The following ZNF804A variants were observed in gnomAD, a reference collection of about 807,000 sequenced individuals.
The protein encoded by ZNF804A is zinc finger protein 804A.
A neutral mutation model predicts 16.5 loss-of-function variants in ZNF804A; 2 were observed. The ratio of observed to expected loss-of-function variants is 0.12; its 90% CI spans 0.05 to 0.38. The LOEUF is 0.38. ZNF804A is among the 10% of genes least tolerant of loss of function. ZNF804A has a pLI of 0.99. For missense variants in ZNF804A, 1,473 were observed against 1,390.7 expected, an observed-to-expected ratio of 1.06 and a Z score of -0.94; for synonymous variants, 534 against 489.6, an observed-to-expected ratio of 1.09 and a Z score of -1.20.
At chr2:184,678,230 C>A (rs983241490) in intron 1 of ZNF804A, among the ~76,000 whole-genome samples, 1 of 151,796 alleles carries the variant, frequency 6.6e-6, no homozygotes, top group Non-Finnish European at 1.5e-5. Context: ...AAGAAGAAAA[C>A]TTTTATGTGG....
intron 1 of ZNF804A, among the ~76,000 whole-genome samples, chr2:184,788,642 A>T (rs1694486549): frequency 6.6e-6 from 1 of 151,992 alleles, no homozygotes; most frequent in South Asian, 2.1e-4. Context: ...CATGAATGTT[A>T]TTGGTGTATA....
intron 2 of ZNF804A, among the ~76,000 whole-genome samples, chr2:184,914,639 A>G (rs529751040): frequency 6.6e-6 from 1 of 152,290 alleles, no homozygotes; most frequent in Admixed American, 6.5e-5. Flanking sequence ...AGAAGGAGAA[A>G]ACACTTGCTA....
At chr2:184,803,036 A>G (rs1242427342) in intron 1 of ZNF804A, among the ~76,000 whole-genome samples, 2 of 152,216 alleles carry the variant, frequency 1.3e-5, no homozygotes, top group African/African-American at 4.8e-5. Context: ...AAAGTAAACC[A>G]TATGAGTTAT....
intron 1 of ZNF804A, among the ~76,000 whole-genome samples, chr2:184,637,982 A>G (rs957599634): frequency 7.9e-5 from 12 of 152,142 alleles, no homozygotes; most frequent in Non-Finnish European, 8.8e-5. Context: ...ATGGTCAGGT[A>G]TATTCTCAGT....
intron 1 of ZNF804A, among the ~76,000 whole-genome samples, chr2:184,815,655 A>G (rs1257653763): frequency 1.3e-5 from 2 of 151,978 alleles, no homozygotes; most frequent in African/African-American, 4.8e-5. Context: ...TATGTCTTTT[A>G]AATTTACTAA....
intron 1 of ZNF804A, among the ~76,000 whole-genome samples, chr2:184,640,560 C>T (rs1691778313): frequency 6.6e-6 from 1 of 151,900 alleles, no homozygotes; most frequent in South Asian, 2.1e-4. Flanking sequence ...AAACTACAGA[C>T]CAATATTCCT....
rs1456857071 is a variant in ZNF804A at position 184,852,247 on chromosome 2, C to CTT, written c.112-14121_112-14120insTT. On this transcript the variant is annotated intron_variant, in intron 1 of 3. Coordinates refer to ENST00000302277, the MANE Select transcript of ZNF804A (RefSeq NM_194250.2). ...GGTCTCTTTCTCTCTCTCTCTCTCT[C>CTT]TCTCTCTCTCTCTCTATCTCTCAGA... 2.3e-3 allele frequency among the ~76,000 whole-genome samples: 349 copies of CTT among 151,310 alleles called. 2 individuals are homozygous for CTT. Among genetic ancestry groups the CTT allele is most frequent in the African/African-American group, 7.9e-3 (326 of 41,294 alleles).
chr2:184,615,528 T>A (rs1318842353), intron 1 of ZNF804A, among the ~76,000 whole-genome samples: 1 of 152,156 alleles, frequency 6.6e-6, no homozygotes, highest in South Asian at 2.1e-4. Flanking sequence ...ATAAAAAAAA[T>A]AAAAATTACC....
chr2:184,789,175 C>T (rs1694493933), intron 1 of ZNF804A, among the ~76,000 whole-genome samples: 1 of 151,976 alleles, frequency 6.6e-6, no homozygotes, highest in Non-Finnish European at 1.5e-5. Flanking sequence ...TCTTTGCATT[C>T]CTGGAATAAG....
chr2:184,783,388 C>G (rs1427524474), intron 1 of ZNF804A, among the ~76,000 whole-genome samples: 1 of 151,466 alleles, frequency 6.6e-6, no homozygotes, highest in African/African-American at 2.4e-5. Context: ...ACCATGAAAA[C>G]TAATATATTT....
intron 1 of ZNF804A, among the ~76,000 whole-genome samples, chr2:184,855,846 T>C (rs1695678556): frequency 6.6e-6 from 1 of 152,052 alleles, no homozygotes; most frequent in South Asian, 2.1e-4. Flanking sequence ...ACCCAGGTGT[T>C]CACTTTGAAG....
intron 1 of ZNF804A, among the ~76,000 whole-genome samples, chr2:184,721,495 CT>C (rs1693314615): frequency 6.6e-6 from 1 of 152,046 alleles, no homozygotes; most frequent in Non-Finnish European, 1.5e-5. Flanking sequence ...CTTAACATCA[CT>C]AGTCATCATG....
At position 184,933,587 on chromosome 2, in the gene ZNF804A, A is replaced by G; in HGVS notation, c.256-16A>G. On this transcript the variant is annotated splice_polypyrimidine_tract_variant and intron_variant, in intron 2 of 3. Transcript: ENST00000302277. ...ACCAAAATACAATTAATCATTTTCC[A>G]ACTTTTTTTTAACAGAGGCTCAAGG... 2 of 1,572,818 alleles carry G rather than the reference A, an allele frequency of 1.3e-6. No homozygotes were observed. Among genetic ancestry groups the G allele is most frequent in the Non-Finnish European group, 1.7e-6 (2 of 1,168,186 alleles).
intron 2 of ZNF804A, among the ~76,000 whole-genome samples, chr2:184,931,291 C>T (rs566349584): frequency 1.6e-4 from 25 of 152,358 alleles, no homozygotes; most frequent in African/African-American, 5.8e-4. Flanking sequence ...TCACATTTCC[C>T]TTCTGCACGG....
intron 2 of ZNF804A, among the ~76,000 whole-genome samples, chr2:184,905,093 C>CTGTG (rs59253076): frequency 8.0e-5 from 12 of 150,386 alleles, no homozygotes; most frequent in African/African-American, 2.4e-4. Context: ...ATTAGAGTGT[C>CTGTG]TGTGTGTGTG....
intron 2 of ZNF804A, among the ~76,000 whole-genome samples, chr2:184,885,041 C>T (rs1159030734): frequency 6.6e-6 from 1 of 152,028 alleles, no homozygotes; most frequent in African/African-American, 2.4e-5. Context: ...AGGCAAAAGA[C>T]ACGAACAGAC....
intron 1 of ZNF804A, among the ~76,000 whole-genome samples, chr2:184,704,666 A>G (rs1050219509): frequency 6.6e-6 from 1 of 152,212 alleles, no homozygotes; most frequent in Non-Finnish European, 1.5e-5. Flanking sequence ...TTTTGAAGAC[A>G]GAATGGAAAG....
intron 2 of ZNF804A, among the ~76,000 whole-genome samples, chr2:184,916,937 T>C (rs894845931): frequency 6.6e-6 from 1 of 152,150 alleles, no homozygotes; most frequent in Non-Finnish European, 1.5e-5. Context: ...TGTAATTCAG[T>C]GATGCTATTA....
chr2:184,839,632 A>G (rs1220984745), intron 1 of ZNF804A, among the ~76,000 whole-genome samples: 1 of 152,168 alleles, frequency 6.6e-6, no homozygotes, highest in East Asian at 1.9e-4. Context: ...TGTAGTGTCC[A>G]GAATTGAACT....
Sources: allele counts gnomAD v4.1 joint callset (sites outside exome capture counted in the v4.1 genomes callset), GRCh38; gene constraint gnomAD v4.1.1; transcripts MANE v1.5; gene names NCBI Gene and HGNC (gene_info 2026-07-23, HGNC 2026-07-21).